Variants in PHF14 observed in about 807,000 individuals in gnomAD.
PHF14 encodes PHD finger protein 14.
A neutral mutation model predicts 117.9 loss-of-function variants in PHF14; 55 were observed. The observed-to-expected ratio is 0.47, with a 90% CI of 0.38 to 0.58. PHF14 has a LOEUF of 0.58. Among genes scored for constraint, PHF14 ranks in the 20% least tolerant of loss-of-function variants. The probability of loss-of-function intolerance (pLI) is 0.00; values close to 1 mark genes in which losing one functional copy is unlikely to be tolerated. For missense variants in PHF14, 978 were observed against 1,122.2 expected (o/e 0.87, Z 1.84); for synonymous variants, 409 against 368.6 (o/e 1.11, Z -1.26).
chr7:11,073,096 C>A (rs561325393), intron 16 of PHF14, among the ~76,000 whole-genome samples: 1 of 152,124 alleles, frequency 6.6e-6, no homozygotes, highest in African/African-American at 2.4e-5. Context: ...CCTTGCCCCC[C>A]CTCCCCAGTT....
intron 14 of PHF14, among the ~76,000 whole-genome samples, chr7:11,058,415 C>A (rs973871232): frequency 6.6e-6 from 1 of 152,028 alleles, no homozygotes; most frequent in Non-Finnish European, 1.5e-5. Context: ...AAAAAAATCC[C>A]ATAGCTTTCA....
chr7:10,984,825 G>GT (rs1187753809), intron 3 of PHF14, among the ~76,000 whole-genome samples: 2 of 152,052 alleles, frequency 1.3e-5, no homozygotes, highest in South Asian at 2.1e-4. Flanking sequence ...TGGTTGTTTA[G>GT]TTTTTTTTCC....
At chr7:11,160,327 CAT>C (rs1185566784) in intron 17 of PHF14, among the ~76,000 whole-genome samples, 1 of 152,134 alleles carries the variant, frequency 6.6e-6, no homozygotes, top group Non-Finnish European at 1.5e-5. Context: ...AGGTTGATTA[CAT>C]GTCTTCGCTA....
intron 14 of PHF14, among the ~76,000 whole-genome samples, chr7:11,056,034 A>C (rs189398802): frequency 6.6e-6 from 1 of 152,166 alleles, no homozygotes; most frequent in Non-Finnish European, 1.5e-5. Context: ...ATCAGACTCA[A>C]GGTGACCTCT....
chr7:11,051,525 A>G lies in PHF14; in HGVS notation c.2313-87A>G, dbSNP rs1044285697. 8 of 1,036,184 alleles carry G rather than the reference A, an allele frequency of 7.7e-6. No individual in the cohort carries two copies. In the African/African-American group the frequency reaches 1.3e-4, roughly 17 times the overall value. 64.2% of individuals were successfully genotyped at this position (1,036,184 alleles called of 1,614,324 possible). A position where few individuals can be genotyped will look rare whatever the true frequency, so the allele number is the denominator to read the frequency against. ...GTATATTTTTATATATTATTCTTAT[A>G]TACCTGGATTTTGTATTTATAAAAA... On this transcript the variant is annotated intron_variant, in intron 13 of 17. Transcript: ENST00000634607.
intron 17 of PHF14, among the ~76,000 whole-genome samples, chr7:11,139,641 T>G (rs1788343879): frequency 6.6e-6 from 1 of 152,168 alleles, no homozygotes; most frequent in South Asian, 2.1e-4. Flanking sequence ...ACACTAACCC[T>G]AAAGTACTGG....
intron 5 of PHF14, among the ~76,000 whole-genome samples, chr7:11,017,068 A>C (rs1175854813): frequency 2.0e-5 from 3 of 152,314 alleles, no homozygotes; most frequent in Non-Finnish European, 4.4e-5. Flanking sequence ...AAGTTGTTGC[A>C]AATGACTGGC....
chr7:11,122,497 T>C (rs1787807211), intron 17 of PHF14, among the ~76,000 whole-genome samples: 1 of 148,728 alleles, frequency 6.7e-6, no homozygotes, highest in African/African-American at 2.5e-5. Flanking sequence ...TTCATACATA[T>C]AAATTCTTCA....
chr7:11,074,184 C>A (rs1480006001), intron 16 of PHF14, among the ~76,000 whole-genome samples: 1 of 151,986 alleles, frequency 6.6e-6, no homozygotes, highest in Non-Finnish European at 1.5e-5. Context: ...AATTCCTCTC[C>A]TGAAAATGCC....
At chr7:11,147,981 T>C (rs1023025388) in intron 17 of PHF14, among the ~76,000 whole-genome samples, 1 of 152,200 alleles carries the variant, frequency 6.6e-6, no homozygotes, top group African/African-American at 2.4e-5. Context: ...CCCACAGTCT[T>C]TCCTACCTCA....
intron 16 of PHF14, among the ~76,000 whole-genome samples, chr7:11,095,788 A>G (rs1327950856): frequency 1.3e-5 from 2 of 152,200 alleles, no homozygotes; most frequent in Non-Finnish European, 2.9e-5. Context: ...AGTATCAAGC[A>G]TCATCACGGA....
chr7:10,994,944 T>A (rs932477243), intron 4 of PHF14, among the ~76,000 whole-genome samples: 1 of 152,208 alleles, frequency 6.6e-6, no homozygotes, highest in Non-Finnish European at 1.5e-5. Flanking sequence ...GGCAGCTTGC[T>A]CTTATCCCCT....
intron 17 of PHF14, among the ~76,000 whole-genome samples, chr7:11,164,384 A>G (rs1241060094): frequency 6.6e-6 from 1 of 152,204 alleles, no homozygotes; most frequent in Non-Finnish European, 1.5e-5. Context: ...AAATGTGGCA[A>G]AGCACAGGTA....
intron 2 of PHF14, among the ~76,000 whole-genome samples, chr7:10,979,214 A>T (rs1781973206): frequency 6.6e-6 from 1 of 152,108 alleles, no homozygotes; most frequent in South Asian, 2.1e-4. Context: ...TTGATATTGT[A>T]AAGGGATTCT....
chr7:11,017,036 A>C (rs1443830270), intron 5 of PHF14, among the ~76,000 whole-genome samples: 1 of 152,142 alleles, frequency 6.6e-6, no homozygotes, highest in African/African-American at 2.4e-5. Context: ...TTCACCTAAC[A>C]TAATGATCTC....
At chr7:11,156,157 A>T (rs1014899419) in intron 17 of PHF14, among the ~76,000 whole-genome samples, 1 of 152,242 alleles carries the variant, frequency 6.6e-6, no homozygotes, top group South Asian at 2.1e-4. Flanking sequence ...TCTTTAATAA[A>T]AGCAAAGTAG....
rs1784855217 is a variant in PHF14, at chr7:11,051,713, A to G, written c.2414A>G (p.Lys805Arg). 2 of 1,613,704 alleles carry G rather than the reference A, an allele frequency of 1.2e-6. No individual in the cohort carries two copies. Among genetic ancestry groups the G allele is most frequent in the African/African-American group, 2.7e-5 (2 of 75,032 alleles). The part of the protein sequence containing the change: ...DGTKRSRRQI[K>R]EPVKFVPQDV... ...ACCAAACGATCAAGGAGGCAGATTAAGGAACCAGTGAAATTTGTTCCACAG... is the reference window on the plus strand; with the variant it reads ...ACCAAACGATCAAGGAGGCAGATTAGGGAACCAGTGAAATTTGTTCCACAG... The change falls in exon 14 of 18, where the codon AAG becomes AGG. Residue 805 changes from lysine (K) to arginine (R), a missense_variant. Around this residue, in one of 7 missense-constraint regions of PHF14, gnomAD observed 180 missense variants for 195.4 expected, o/e 0.92. Coordinates refer to ENST00000634607, the MANE Select transcript of PHF14 (RefSeq NM_001007157.2).
chr7:11,129,548 CTTTT>C (rs71023891), intron 17 of PHF14, among the ~76,000 whole-genome samples: 4 of 133,454 alleles, frequency 3.0e-5, no homozygotes, highest in Admixed American at 7.3e-5. Flanking sequence ...GTGTATGTTT[CTTTT>C]TTTTTTTTTT....
chr7:11,139,941 TG>T (rs1219704284), intron 17 of PHF14, among the ~76,000 whole-genome samples: 2 of 152,206 alleles, frequency 1.3e-5, no homozygotes, highest in East Asian at 3.9e-4. Flanking sequence ...GTTAGACTAG[TG>T]GGAATGACCC....
Sources: gnomAD v4.1 joint callset for allele counts (sites outside exome capture counted in the v4.1 genomes callset) on GRCh38, gnomAD v4.1.1 for gene constraint, gnomAD v4.1.1 regional missense constraint, MANE v1.5 for transcripts, NCBI Gene and HGNC (gene_info 2026-07-23, HGNC 2026-07-21) for gene names.